The following SLFN12L variants were observed in gnomAD, a reference collection of about 807,000 sequenced individuals.
SLFN12L encodes schlafen family member 12-like.
In SLFN12L, 34 loss-of-function variants were observed where a neutral mutation model predicts 34.8. The ratio of observed to expected loss-of-function variants is 0.98; its 90% CI spans 0.74 to 1.30. SLFN12L has a LOEUF of 1.30. Ranked by LOEUF, SLFN12L falls within the 50% of genes most tolerant of loss-of-function variation. The pLI is 0.00. For synonymous variants in SLFN12L, 259 were observed against 247.5 expected, an observed-to-expected ratio of 1.05 and a Z score of -0.44; for missense variants, 703 against 696.2, an observed-to-expected ratio of 1.01 and a Z score of -0.11.
Position 35,490,164 on chromosome 17 carries a change from C to G in SLFN12L, c.87-9969G>C, listed in dbSNP as rs954146120. On this transcript the variant is annotated intron_variant, in intron 2 of 4. Transcript: ENST00000628453. ...ACGCCGCAGGGACCCTCCAGCAGAG[C>G]CGGGCTGCTGCAGCCACCAGCGCTG... The G allele has an allele frequency of 1.0e-5, 16 of 1,606,872 alleles. No individual in the cohort carries two copies. The East Asian group carries it at 3.6e-4, about 36-fold the overall frequency.
At chr17:35,533,593 GAA>G (rs1225336440) in intron 1 of SLFN12L, among the ~76,000 whole-genome samples, 11 of 152,196 alleles carry the variant, frequency 7.2e-5, no homozygotes, top group Non-Finnish European at 7.3e-5. Context: ...CAAATGAGGT[GAA>G]GAGTTAATTT....
chr17:35,495,902 CACACA>C (rs1915045177), intron 2 of SLFN12L, among the ~76,000 whole-genome samples: 1 of 8,770 alleles, frequency 1.1e-4, no homozygotes, highest in Non-Finnish European at 2.2e-4. Flanking sequence ...CGATTTGAAA[CACACA>C]CACACACACA....
intron 2 of SLFN12L, among the ~76,000 whole-genome samples, chr17:35,488,982 G>A (rs369790908): frequency 6.6e-6 from 1 of 152,058 alleles, no homozygotes. Context: ...AGGCAATAGA[G>A]TCTCTTGAAC....
chr17:35,496,561 G>A lies in SLFN12L; in HGVS notation c.87-16366C>T, dbSNP rs557807293. Among the ~76,000 whole-genome samples the A allele has an allele frequency of 3.2e-3, 375 of 116,958 alleles. 1 individual carries two copies. The highest frequency in any genetic ancestry group is 0.012 in the African/African-American group (359 of 30,504). 76.7% of individuals were successfully genotyped at this position (116,958 alleles called of 152,430 possible). ...TTTCCCTTCCCTCCCCTCCCCTCAT[G>A]ACCTCGACTCCCTTCCCTTCTCCCT... is the stretch of plus-strand genomic sequence containing the variant. On this transcript the variant is annotated intron_variant, in intron 2 of 4. Coordinates refer to ENST00000628453, the MANE Select transcript of SLFN12L (RefSeq NM_001363830.2).
rs562173332 is a variant in SLFN12L at position 35,472,438 on chromosome 17, G to A, written c.*2485C>T. ...TGTCAAGTTTGTAGAAGATCAGATGGTTATAGATGTGTGGTGTTATTTCTG... is the reference window on the plus strand; with the variant it reads ...TGTCAAGTTTGTAGAAGATCAGATGATTATAGATGTGTGGTGTTATTTCTG... On this transcript the variant is annotated 3_prime_UTR_variant, in exon 5 of 5. Transcript: ENST00000628453. Among the ~76,000 whole-genome samples, 18 of 152,296 alleles carry A rather than the reference G, an allele frequency of 1.2e-4. No individual in the cohort carries two copies. The highest frequency in any genetic ancestry group is 2.4e-4 in the Non-Finnish European group (16 of 68,022).
At chr17:35,502,705 A>G (rs1174024623) in intron 2 of SLFN12L, among the ~76,000 whole-genome samples, 2 of 152,236 alleles carry the variant, frequency 1.3e-5, no homozygotes, top group African/African-American at 4.8e-5. Context: ...GTTTTCAACA[A>G]AAGTAAAGTT....
intron 1 of SLFN12L, among the ~76,000 whole-genome samples, chr17:35,530,533 A>G (rs868433011): frequency 5.8e-5 from 2 of 34,698 alleles, no homozygotes; most frequent in Non-Finnish European, 1.2e-4. Flanking sequence ...AAAAGAAAAG[A>G]AAAGAAAAGA....
intron 1 of SLFN12L, among the ~76,000 whole-genome samples, chr17:35,530,439 G>GAAA (rs1555545945): frequency 1.8e-4 from 2 of 10,986 alleles, no homozygotes; most frequent in Non-Finnish European, 6.4e-4. Context: ...GGGAAGGGAA[G>GAAA]GGAAGAAAGA....
At chr17:35,487,835 T>C in intron 2 of SLFN12L, 1 of 1,354,360 alleles carries the variant, frequency 7.4e-7, no homozygotes, top group Non-Finnish European at 1.0e-6. Context: ...TCAGCTGCAT[T>C]TCTATCGGGC....
intron 1 of SLFN12L, among the ~76,000 whole-genome samples, chr17:35,535,587 A>G (rs1334453397): frequency 2.0e-5 from 3 of 151,696 alleles, no homozygotes; most frequent in Non-Finnish European, 4.4e-5. Context: ...CCCGAACTCA[A>G]GCAGTCCTCC....
intron 2 of SLFN12L, chr17:35,491,087 T>C (rs773641886): frequency 5.1e-6 from 4 of 778,284 alleles, no homozygotes; most frequent in Non-Finnish European, 7.1e-6. Context: ...ATTTGTGAAC[T>C]TACTGCCTCC....
At chr17:35,506,462 T>C (rs1915467868) in intron 2 of SLFN12L, among the ~76,000 whole-genome samples, 1 of 152,126 alleles carries the variant, frequency 6.6e-6, no homozygotes, top group South Asian at 2.1e-4. Flanking sequence ...CCCTTAGAAC[T>C]AGTAATAACC....
intron 2 of SLFN12L, chr17:35,490,499 G>C: frequency 1.1e-6 from 1 of 925,426 alleles, no homozygotes; most frequent in Non-Finnish European, 1.8e-6. Flanking sequence ...GCTCTGAAAG[G>C]CATCCATCTC....
chr17:35,474,860 G>A lies in SLFN12L; in HGVS notation c.*63C>T. The A allele has an allele frequency of 6.9e-7, 1 of 1,450,956 alleles. No individual in the cohort carries two copies. The highest frequency in any genetic ancestry group is 9.1e-7 in the Non-Finnish European group (1 of 1,101,206). 89.9% of individuals were successfully genotyped at this position (1,450,956 alleles called of 1,614,324 possible). On this transcript the variant is annotated 3_prime_UTR_variant, in exon 5 of 5. Transcript: ENST00000628453. ...GGCAGGGAATTGCTTGAACCCAGGA[G>A]GCAGAGGTTGCAGTGAGTCGAGATC... is the stretch of plus-strand genomic sequence containing the variant.
rs1007550382 is a variant in SLFN12L, at chr17:35,522,493, T to C, written c.-129A>G. ...GTGAGCAGATTTAAAACCTCATAGC[T>C]GCACAGGTCACTCAAGAGAGACCTG... On this transcript the variant is annotated 5_prime_UTR_variant, in exon 2 of 5. Transcript: ENST00000628453. 1.9e-5 allele frequency: 30 copies of C among 1,613,194 alleles called. No individual in the cohort carries two copies. Among genetic ancestry groups the C allele is most frequent in the Middle Eastern group, 1.6e-4 (1 of 6,072 alleles).
intron 1 of SLFN12L, among the ~76,000 whole-genome samples, chr17:35,526,924 G>GT (rs1351075687): frequency 2.6e-5 from 4 of 151,910 alleles, no homozygotes; most frequent in Non-Finnish European, 5.9e-5. Flanking sequence ...CTAGGAGCTG[G>GT]TTTTTTGAAA....
At chr17:35,498,653 C>A in intron 2 of SLFN12L, 1 of 1,604,194 alleles carries the variant, frequency 6.2e-7, no homozygotes, top group Non-Finnish European at 8.5e-7. Flanking sequence ...CTCAAACCAT[C>A]CAGGACATCC....
rs761748123 is a variant in SLFN12L, at chr17:35,466,932, A to G, written c.*7991T>C. Among the ~76,000 whole-genome samples the G allele has an allele frequency of 1.3e-5, 2 of 152,158 alleles. No individual in the cohort carries two copies. Among genetic ancestry groups the G allele is most frequent in the Non-Finnish European group, 2.9e-5 (2 of 68,024 alleles). ...ACAGATTCTGAGTCTGTGACCCTCCATACCTGGCTACCTGTTATGCTTTCA... is the reference window on the plus strand; with the variant it reads ...ACAGATTCTGAGTCTGTGACCCTCCGTACCTGGCTACCTGTTATGCTTTCA... On this transcript the variant is annotated 3_prime_UTR_variant, in exon 5 of 5. Coordinates refer to ENST00000628453, the MANE Select transcript of SLFN12L (RefSeq NM_001363830.2).
At chr17:35,486,755 T>C (rs1914597648) in intron 2 of SLFN12L, among the ~76,000 whole-genome samples, 1 of 152,196 alleles carries the variant, frequency 6.6e-6, no homozygotes, top group African/African-American at 2.4e-5. Context: ...CTATCAGACC[T>C]GAACTCATGA....
Sources: allele counts gnomAD v4.1 joint callset (sites outside exome capture counted in the v4.1 genomes callset), GRCh38; gene constraint gnomAD v4.1.1; transcripts MANE v1.5; gene names NCBI Gene and HGNC (gene_info 2026-07-23, HGNC 2026-07-21).